The following TKTL1 variants were observed in gnomAD, a reference collection of about 807,000 sequenced individuals.
TKTL1 encodes the protein transketolase-like protein 1.
A neutral mutation model predicts 39.3 loss-of-function variants in TKTL1; 1 was observed. That is an observed-to-expected ratio of 0.03 (90% CI 0.01 to 0.12). The LOEUF (loss-of-function observed/expected upper bound fraction) is 0.12, where lower values mean the gene tolerates loss of function less well. TKTL1 is among the 10% of genes least tolerant of loss of function. The probability of loss-of-function intolerance (pLI) is 1.00; values close to 1 mark genes in which losing one functional copy is unlikely to be tolerated. For missense variants in TKTL1, 575 were observed against 509.6 expected (o/e 1.13, Z -1.24); for synonymous variants, 262 against 193.8 (o/e 1.35, Z -2.92).
intron 1 of TKTL1, among the ~76,000 whole-genome samples, chrX:154,297,904 G>C (rs1162512902): frequency 2.7e-5 from 3 of 111,307 alleles, no homozygotes; most frequent in African/African-American, 9.8e-5. Flanking sequence ...ACCTTGTAGA[G>C]AAAAAAAAAT....
intron 10 of TKTL1, among the ~76,000 whole-genome samples, chrX:154,326,673 A>G (rs1356146924): frequency 7.1e-5 from 8 of 112,685 alleles, no homozygotes; most frequent in Non-Finnish European, 1.3e-4. Flanking sequence ...TTCTGTTTCT[A>G]TGGGGAGGGT....
intron 1 of TKTL1, among the ~76,000 whole-genome samples, chrX:154,303,198 T>G (rs2067287895): frequency 1.0e-5 from 1 of 98,499 alleles, no homozygotes. Context: ...TATTTATTTA[T>G]TTATTTATTT....
intron 12 of TKTL1, 152 bp from the exon 13 acceptor site, chrX:154,329,364 T>C (rs2067519215): frequency 1.8e-6 from 1 of 544,325 alleles, no homozygotes; most frequent in Non-Finnish European, 2.9e-6. Flanking sequence ...ACTGGCAGTT[T>C]AGAATGAGAA....
intron 5 of TKTL1, 80 bp from the exon 6 acceptor site, chrX:154,312,500 C>G (rs1379316512): frequency 1.0e-6 from 1 of 998,556 alleles, no homozygotes; most frequent in South Asian, 2.4e-5. Flanking sequence ...TCTTTTTCAT[C>G]GGGGTCTGTT....
intron 1 of TKTL1, chrX:154,304,806 A>C (rs2067302107): frequency 3.7e-6 from 1 of 272,286 alleles, no homozygotes. Context: ...GCCTGGCTGG[A>C]CTCACATGCA....
chrX:154,303,379 ATTTTT>A (rs1172255094), intron 1 of TKTL1, among the ~76,000 whole-genome samples: 9 of 33,665 alleles, frequency 2.7e-4, no homozygotes, highest in African/African-American at 4.0e-4. Context: ...TGCCCAGCTA[ATTTTT>A]TTTTTTTTTT....
In TKTL1 at chrX:154,329,603, G is replaced by C; in HGVS notation, c.1706G>C (p.Ser569Thr). Residue 569 changes from serine to threonine, a missense_variant, in exon 13 of 13, where the codon AGT becomes ACT. Coordinates refer to ENST00000369915, the MANE Select transcript of TKTL1 (RefSeq NM_012253.4). ...HSLAVSGVPQ[S>T]GKSEELLDMY... ...CTGGCAGTGTCGGGAGTGCCCCAGA[G>C]TGGGAAGTCCGAGGAATTGCTGGAT... 8.3e-7 allele frequency: 1 copy of C among 1,211,985 alleles called. No homozygotes were observed. Among genetic ancestry groups the C allele is most frequent in the Non-Finnish European group, 1.1e-6 (1 of 895,417 alleles).
rs1356167343 is a variant in TKTL1 at position 154,300,597 on chromosome X, GCTA to G, written c.134+4607_134+4609del. ...CAAGCTTGGTCGTTGTTGGTGTAGT[GCTA>G]CTGATTTGTGTGCATTTATTTTGTA... On this transcript the variant is annotated intron_variant, in intron 1 of 12. Transcript: ENST00000369915. Among the ~76,000 whole-genome samples the G allele has an allele frequency of 3.6e-5, 4 of 112,098 alleles. No individual in the cohort carries two copies. In the East Asian group the frequency reaches 1.1e-3, roughly 31 times the overall value.
chrX:154,324,281 G>A (rs2067476550), intron 9 of TKTL1, among the ~76,000 whole-genome samples: 2 of 111,160 alleles, frequency 1.8e-5, no homozygotes, highest in South Asian at 7.5e-4. Context: ...GCGACTAGAG[G>A]TGCACTCCAC....
chrX:154,322,277 A>C (rs1276728010), intron 8 of TKTL1, among the ~76,000 whole-genome samples: 1 of 107,478 alleles, frequency 9.3e-6, no homozygotes, highest in Non-Finnish European at 1.9e-5. Context: ...CACACCTGTA[A>C]TCCCAGCATT....
intron 6 of TKTL1, 97 bp from the exon 7 acceptor site, chrX:154,315,076 T>G (rs1329506834): frequency 1.1e-6 from 1 of 935,571 alleles, no homozygotes; most frequent in African/African-American, 2.0e-5. Context: ...AGATAGATGA[T>G]AATTTGTCAT....
At chrX:154,311,307 G>A (rs1366861414) in intron 5 of TKTL1, 69 bp downstream of exon 5, 4 of 1,180,164 alleles carry the variant, frequency 3.4e-6, no homozygotes, top group African/African-American at 1.7e-5. Context: ...AGAGGCGGGA[G>A]AGGCTTAGAG....
intron 7 of TKTL1, among the ~76,000 whole-genome samples, chrX:154,320,068 G>A (rs782750010): frequency 7.2e-4 from 81 of 112,415 alleles, no homozygotes; most frequent in African/African-American, 2.6e-3. Flanking sequence ...CCCATGAGGC[G>A]ACAGCAGTGG....
chrX:154,295,969 G>C lies in TKTL1; in HGVS notation c.110G>C (p.Arg37Thr), dbSNP rs146955770. 6.6e-6 allele frequency: 8 copies of C among 1,210,267 alleles called. No homozygotes were observed. In the Admixed American group the frequency reaches 1.5e-4, roughly 23 times the overall value. The change falls in exon 1 of 13, where the codon AGG becomes ACG. Residue 37 changes from arginine (R) to threonine (T), a missense_variant. Coordinates refer to ENST00000369915, the MANE Select transcript of TKTL1 (RefSeq NM_012253.4). The stretch of plus-strand genomic sequence containing the variant: ...AGCCGCTTGCGAATCCATTCCATCA[G>C]GGCCACATGCTCCACGAGCTCCGGG... ...MASRLRIHSI[R>T]ATCSTSSGHP...
intron 6 of TKTL1, 81 bp downstream of exon 6, chrX:154,312,854 T>G: frequency 3.2e-6 from 3 of 950,051 alleles, no homozygotes; most frequent in Non-Finnish European, 4.3e-6. Context: ...GTACACAGGA[T>G]TCTTCATTTA....
intron 10 of TKTL1, among the ~76,000 whole-genome samples, chrX:154,326,876 G>A (rs1391105357): frequency 1.8e-5 from 2 of 112,504 alleles, no homozygotes; most frequent in Non-Finnish European, 3.8e-5. Context: ...GTGTGCATGC[G>A]TGTATAAGTA....
chrX:154,317,130 C>T (rs1361926190), intron 7 of TKTL1, among the ~76,000 whole-genome samples: 1 of 111,660 alleles, frequency 9.0e-6, no homozygotes, highest in East Asian at 2.8e-4. Context: ...TGGATTAATG[C>T]TCCTGTCAAA....
chrX:154,324,097 G>A (rs1462928561), intron 9 of TKTL1, among the ~76,000 whole-genome samples: 2 of 111,083 alleles, frequency 1.8e-5, no homozygotes, highest in Non-Finnish European at 3.8e-5. Context: ...GTGGGCTCCC[G>A]CTTTACATAT....
intron 9 of TKTL1, among the ~76,000 whole-genome samples, chrX:154,325,023 C>T (rs956987082): frequency 5.4e-5 from 6 of 111,878 alleles, no homozygotes; most frequent in African/African-American, 2.0e-4. Flanking sequence ...ACATTCTATT[C>T]GGGCTTTCTA....
Sources: gnomAD v4.1 joint callset for allele counts (sites outside exome capture counted in the v4.1 genomes callset) on GRCh38, gnomAD v4.1.1 for gene constraint, MANE v1.5 for transcripts, NCBI Gene and HGNC (gene_info 2026-07-23, HGNC 2026-07-21) for gene names.